MYO16: variants seen among roughly 807,000 people sequenced by gnomAD.
MYO16 encodes the protein unconventional myosin-XVI.
MYO16 carries 94 observed loss-of-function variants against 205.3 expected under a neutral mutation model. That is an observed-to-expected ratio of 0.46 (90% CI 0.39 to 0.54). The LOEUF is 0.54. Among genes scored for constraint, MYO16 ranks in the 20% least tolerant of loss-of-function variants. The pLI is 0.00. For synonymous variants in MYO16, 988 were observed against 954.0 expected (o/e 1.04, Z -0.66); for missense variants, 2,315 against 2,387.5 (o/e 0.97, Z 0.63).
At chr13:108,774,940 C>T (rs1468835209) in intron 4 of MYO16, among the ~76,000 whole-genome samples, 1 of 152,064 alleles carries the variant, frequency 6.6e-6, no homozygotes, top group Non-Finnish European at 1.5e-5. Flanking sequence ...AGCATTCAGT[C>T]GTTTAAAAAT....
Position 109,019,713 on chromosome 13 carries a change from G to T in MYO16, c.2598G>T (p.Lys866Asn). ...QNGVLDFFFQ[K>N]PSGFLTLLDE... is the part of the protein sequence containing the mutation. Reference sequence around the variant, plus strand: ...CCCCATCTCTTCTTAACTCTCAGAAGCCATCTGGATTTCTCACCTTATTGG... The same window carrying T: ...CCCCATCTCTTCTTAACTCTCAGAATCCATCTGGATTTCTCACCTTATTGG... The change falls in exon 23 of 35, where the codon AAG becomes AAT. Residue 866 changes from lysine (K) to asparagine (N), a missense_variant and splice_region_variant. Physicochemically the swap from Lys to Asn is moderately conservative, Grantham distance 94. Transcript: ENST00000457511. 6.2e-7 allele frequency: 1 copy of T among 1,612,968 alleles called. No homozygotes were observed. The highest frequency in any genetic ancestry group is 8.5e-7 in the Non-Finnish European group (1 of 1,179,210).
intron 34 of MYO16, among the ~76,000 whole-genome samples, chr13:109,181,821 A>ATT (rs1259095070): frequency 6.7e-6 from 1 of 148,258 alleles, no homozygotes; most frequent in African/African-American, 2.5e-5. Flanking sequence ...TATTTATTTT[A>ATT]TTTTATTTTT....
At chr13:109,206,488 A>C (rs975355770) in intron 34 of MYO16, 121 bp from the exon 35 acceptor site, 2 of 723,208 alleles carry the variant, frequency 2.8e-6, no homozygotes, top group African/African-American at 3.5e-5. Flanking sequence ...GAGATTGAGG[A>C]AAGAGGCTGC....
rs1283780028 is a variant in MYO16, at chr13:108,844,623, T to G, written c.1248+130T>G. The G allele has an allele frequency of 3.2e-6, 3 of 924,810 alleles. No homozygotes were observed. In the African/African-American group the frequency reaches 5.0e-5, roughly 15 times the overall value. 57.3% of individuals were successfully genotyped at this position (924,810 alleles called of 1,614,324 possible). On this transcript the variant is annotated intron_variant, in intron 10 of 34. Transcript: ENST00000457511. The stretch of plus-strand genomic sequence containing the variant: ...AAGACAATTAATGCATAGATTAATA[T>G]TTTGCTTGCAGTTTTCATAAACAAT...
intron 9 of MYO16, among the ~76,000 whole-genome samples, chr13:108,836,292 A>T (rs1006691407): frequency 4.6e-5 from 7 of 152,190 alleles, no homozygotes; most frequent in Non-Finnish European, 2.9e-5. Context: ...GGGTGCTCAG[A>T]AGTCAAGAAT....
intron 20 of MYO16, among the ~76,000 whole-genome samples, chr13:108,991,217 T>C (rs1884817481): frequency 6.6e-6 from 1 of 152,166 alleles, no homozygotes; most frequent in African/African-American, 2.4e-5. Context: ...GCCTTCCATG[T>C]AACCCTCTTC....
chr13:108,834,542 G>A (rs1253753298), intron 9 of MYO16, among the ~76,000 whole-genome samples: 2 of 151,970 alleles, frequency 1.3e-5, no homozygotes, highest in East Asian at 3.9e-4. Context: ...GAAGGTTAAG[G>A]CCTTCTGGGT....
rs149439712 is a variant in MYO16 at position 109,016,815 on chromosome 13, T to G, written c.2596-2896T>G. Among the ~76,000 whole-genome samples, 269 of 152,320 alleles carry G rather than the reference T, an allele frequency of 1.8e-3. 1 individual carries two copies. In the Middle Eastern group the frequency reaches 0.034, roughly 19 times the overall value. ...TTTTTGTTGTTGTTTTCCATTTGCT[T>G]GGTAGATCTTCCTCCATCTCTTTAT... On this transcript the variant is annotated intron_variant, in intron 22 of 34. Transcript: ENST00000457511.
the MYO16 span, among the ~76,000 whole-genome samples, chr13:108,502,387 T>G: frequency 1.3e-5 from 2 of 152,230 alleles, no homozygotes. Flanking sequence ...TTTTAAGTAA[T>G]GTAAGTAAAG....
chr13:108,500,493 G>T, the MYO16 span, among the ~76,000 whole-genome samples: 1 of 151,976 alleles, frequency 6.6e-6, no homozygotes, highest in Non-Finnish European at 1.5e-5. Flanking sequence ...CTCCCAAAGT[G>T]CTGGGATTAC....
At chr13:108,962,332 T>C in intron 18 of MYO16, 92 bp from the exon 19 acceptor site, 1 of 958,840 alleles carries the variant, frequency 1.0e-6, no homozygotes, top group Non-Finnish European at 1.6e-6. Context: ...AATGTGCCTA[T>C]ATAAAACTTA....
Position 109,100,888 on chromosome 13 carries a change from G to C in MYO16, c.3438+1G>C, listed in dbSNP as rs1409263612. On this transcript the variant is annotated splice_donor_variant, in intron 28 of 34. Transcript: ENST00000457511. LOFTEE classifies it high-confidence loss of function. ...GCAGTGTAAATTACAAGGCTGGCAGGTTGGTGACCTACAAGCTATGAAAAT... is the reference window on the plus strand; with the variant it reads ...GCAGTGTAAATTACAAGGCTGGCAGCTTGGTGACCTACAAGCTATGAAAAT... The C allele has an allele frequency of 6.2e-7, 1 of 1,610,028 alleles. No individual in the cohort carries two copies. The highest frequency in any genetic ancestry group is 1.7e-5 in the Admixed American group (1 of 59,972).
rs749562165 is a variant in MYO16, at chr13:109,052,361, C to T, written c.2934C>T (p.Leu978=). The stretch of plus-strand genomic sequence containing the variant: ...CGAAATTGTCACAAACAGGATCCCT[C>T]GTATCTGCCTATCCTTCCTTTAAAT... ...FQSKLSQTGS[L]VSAYPSFKFR... is the part of the protein sequence containing the mutation. The change falls in exon 25 of 35, where the codon CTC becomes CTT. Residue 978 remains leucine, a synonymous_variant. Coordinates refer to ENST00000457511, the MANE Select transcript of MYO16 (RefSeq NM_001198950.3). The T allele has an allele frequency of 4.2e-5, 67 of 1,612,888 alleles. No individual in the cohort carries two copies. The highest frequency in any genetic ancestry group is 5.4e-5 in the Non-Finnish European group (64 of 1,179,150).
intron 34 of MYO16, among the ~76,000 whole-genome samples, chr13:109,194,351 A>G (rs1475652215): frequency 6.6e-6 from 1 of 152,164 alleles, no homozygotes; most frequent in African/African-American, 2.4e-5. Flanking sequence ...CTGAAATGGC[A>G]TTTTGACTCT....
intron 20 of MYO16, among the ~76,000 whole-genome samples, chr13:108,988,577 C>T (rs903248646): frequency 6.6e-6 from 1 of 152,058 alleles, no homozygotes; most frequent in African/African-American, 2.4e-5. Context: ...CAATGTGAAC[C>T]CATCCTTTAA....
At chr13:109,174,806 C>T (rs1227012129) in intron 33 of MYO16, among the ~76,000 whole-genome samples, 1 of 138,172 alleles carries the variant, frequency 7.2e-6, no homozygotes, top group Non-Finnish European at 1.5e-5. Flanking sequence ...GGCTGGAGTG[C>T]AGTGGCACAA....
chr13:109,115,722 A>C (rs189593224), intron 28 of MYO16, among the ~76,000 whole-genome samples: 3 of 152,340 alleles, frequency 2.0e-5, no homozygotes, highest in Admixed American at 2.0e-4. Flanking sequence ...TCTTTCGGTC[A>C]ATGTCATTAA....
chr13:108,604,022 G>A (rs1456688478), intron 1 of MYO16, among the ~76,000 whole-genome samples: 2 of 152,138 alleles, frequency 1.3e-5, no homozygotes, highest in Non-Finnish European at 2.9e-5. Context: ...GGCATAAGGG[G>A]AAGCAAATAT....
chr13:108,738,768 GTC>G (rs1884794407), intron 4 of MYO16, among the ~76,000 whole-genome samples: 1 of 152,266 alleles, frequency 6.6e-6, no homozygotes, highest in South Asian at 2.1e-4. Context: ...TTGTGTGCAA[GTC>G]TAAGTCTCTT....
Sources: allele counts gnomAD v4.1 joint callset (sites outside exome capture counted in the v4.1 genomes callset), GRCh38; gene constraint gnomAD v4.1.1; transcripts MANE v1.5; gene names NCBI Gene and HGNC (gene_info 2026-07-23, HGNC 2026-07-21).